The following FBXO22 variants were observed in gnomAD, a reference collection of about 807,000 sequenced individuals.
FBXO22 encodes the protein F-box only protein 22.
FBXO22 carries 13 observed loss-of-function variants against 37.2 expected under a neutral mutation model. That is an observed-to-expected ratio of 0.35 (90% CI 0.23 to 0.56). FBXO22 has a LOEUF of 0.56. FBXO22 is among the 20% of genes least tolerant of loss of function. The pLI is 0.87. For synonymous variants in FBXO22, 189 were observed against 189.1 expected, an observed-to-expected ratio of 1.00 and a Z score of 0.00; for missense variants, 446 against 509.9, an observed-to-expected ratio of 0.87 and a Z score of 1.21.
rs2030203503 is a variant in FBXO22, at chr15:75,934,732, C to T, written c.*1630C>T. ...CTATTTAGCTATTATCAAAATACCTCAAAATTTTAGTCCTTGAATGTGCTC... is the reference window on the plus strand; with the variant it reads ...CTATTTAGCTATTATCAAAATACCTTAAAATTTTAGTCCTTGAATGTGCTC... On this transcript the variant is annotated 3_prime_UTR_variant, in exon 7 of 7. Coordinates refer to ENST00000308275, the MANE Select transcript of FBXO22 (RefSeq NM_147188.3). The T allele has an allele frequency of 6.6e-6, 1 of 152,140 alleles. No homozygotes were observed. Among genetic ancestry groups the T allele is most frequent in the Non-Finnish European group, 1.5e-5 (1 of 68,036 alleles). The allele number at this position is 152,140 out of a possible 1,614,324, so 9.4% of individuals were successfully genotyped here. A position where few individuals can be genotyped will look rare whatever the true frequency, so the allele number is the denominator to read the frequency against.
In FBXO22 at chr15:75,933,186, CAA is replaced by C. The variant is rs781275509; in HGVS notation, c.*88_*89del. ...AAACTTGGGCCATGTGTATTTCAAACAAAAATAACTTTAGATATATCTTTTTT... is the reference window on the plus strand; with the variant it reads ...AAACTTGGGCCATGTGTATTTCAAACAAATAACTTTAGATATATCTTTTTT... On this transcript the variant is annotated 3_prime_UTR_variant, in exon 7 of 7. Coordinates refer to ENST00000308275, the MANE Select transcript of FBXO22 (RefSeq NM_147188.3). 163 of 1,161,060 alleles carry C rather than the reference CAA, an allele frequency of 1.4e-4. No individual in the cohort carries two copies. The highest frequency in any genetic ancestry group is 2.6e-4 in the Middle Eastern group (1 of 3,892). The allele number at this position is 1,161,060 out of a possible 1,614,324, so 71.9% of individuals were successfully genotyped here. A position where few individuals can be genotyped will look rare whatever the true frequency, so the allele number is the denominator to read the frequency against.
At position 75,934,351 on chromosome 15, in the gene FBXO22, A is replaced by ACTAT. The variant is rs1434297317; in HGVS notation, c.*1253_*1256dup. The ACTAT allele has an allele frequency of 2.0e-5, 3 of 152,218 alleles. No homozygotes were observed. The highest frequency in any genetic ancestry group is 4.4e-5 in the Non-Finnish European group (3 of 68,044). The allele number at this position is 152,218 out of a possible 1,614,324, so 9.4% of individuals were successfully genotyped here. A position where few individuals can be genotyped will look rare whatever the true frequency, so the allele number is the denominator to read the frequency against. ...TGAAGAAACACCATAAGTGGCGTGG[A>ACTAT]CTATCTACCTCCAGACTGTTTTACA... On this transcript the variant is annotated 3_prime_UTR_variant, in exon 7 of 7. Coordinates refer to ENST00000308275, the MANE Select transcript of FBXO22 (RefSeq NM_147188.3).
Position 75,904,473 on chromosome 15 carries a change from G to T in FBXO22, c.141-18G>T. 1 of 1,613,790 alleles carries T rather than the reference G, an allele frequency of 6.2e-7. No homozygotes were observed. The highest frequency in any genetic ancestry group is 8.5e-7 in the Non-Finnish European group (1 of 1,179,840). On this transcript the variant is annotated intron_variant, in intron 1 of 6. Coordinates refer to ENST00000308275, the MANE Select transcript of FBXO22 (RefSeq NM_147188.3). ...AATGAACGTCCGTTCGCAATCCTTT[G>T]TGCGTTTGCGTCCTCAGCGTGTGCC...
chr15:75,926,975 T>G (rs1052768032), intron 5 of FBXO22, among the ~76,000 whole-genome samples: 2 of 152,186 alleles, frequency 1.3e-5, no homozygotes, highest in Non-Finnish European at 2.9e-5. Context: ...AGACCTAGAG[T>G]TACAATTGAC....
chr15:75,907,289 G>A lies in FBXO22; in HGVS notation c.279+2660G>A, dbSNP rs542145728. On this transcript the variant is annotated intron_variant, in intron 2 of 6. Transcript: ENST00000308275. ...AAAAGAAAAATAATAATTTTCCTATGCCCTTATAGAGTTGTTGTGAGGATT... is the reference window on the plus strand; with the variant it reads ...AAAAGAAAAATAATAATTTTCCTATACCCTTATAGAGTTGTTGTGAGGATT... Among the ~76,000 whole-genome samples the A allele has an allele frequency of 5.3e-5, 8 of 152,280 alleles. No homozygotes were observed. The South Asian group carries it at 1.7e-3, about 32-fold the overall frequency.
At chr15:75,918,457 A>G (rs1404775423) in intron 5 of FBXO22, among the ~76,000 whole-genome samples, 2 of 152,202 alleles carry the variant, frequency 1.3e-5, no homozygotes, top group African/African-American at 4.8e-5. Context: ...GATGGTGGAA[A>G]GTCTCAACAG....
At chr15:75,914,611 T>C (rs1900142285) in intron 4 of FBXO22, among the ~76,000 whole-genome samples, 2 of 152,194 alleles carry the variant, frequency 1.3e-5, no homozygotes, top group Admixed American at 1.3e-4. Context: ...GGTACCACTC[T>C]TCAATGTTTA....
At position 75,908,439 on chromosome 15, in the gene FBXO22, CTT is replaced by C. The variant is rs150417055; in HGVS notation, c.279+3814_279+3815del. 7.4e-3 allele frequency among the ~76,000 whole-genome samples: 1,127 copies of C among 152,026 alleles called. 15 individuals are homozygous for C. Among genetic ancestry groups the C allele is most frequent in the African/African-American group, 0.026 (1,070 of 41,494 alleles). On this transcript the variant is annotated intron_variant, in intron 2 of 6. Transcript: ENST00000308275. ...AGGCGCATGCAGCCATACCCGGTTA[CTT>C]TTTGTATTTTTAGTAGAGATGGGGT...
chr15:75,930,349 G>C, intron 6 of FBXO22: 1 of 1,278,040 alleles, frequency 7.8e-7, no homozygotes, highest in Non-Finnish European at 9.9e-7. Flanking sequence ...TGACCTCAAT[G>C]TGTCACCTCC....
chr15:75,934,946 A>G lies in FBXO22; in HGVS notation c.*1844A>G, dbSNP rs1422028062. 2.0e-5 allele frequency: 3 copies of G among 152,256 alleles called. No individual in the cohort carries two copies. Among genetic ancestry groups the G allele is most frequent in the Non-Finnish European group, 4.4e-5 (3 of 68,044 alleles). 9.4% of individuals were successfully genotyped at this position (152,256 alleles called of 1,614,324 possible). On this transcript the variant is annotated 3_prime_UTR_variant, in exon 7 of 7. Coordinates refer to ENST00000308275, the MANE Select transcript of FBXO22 (RefSeq NM_147188.3). Reference sequence around the variant, plus strand: ...GTTTTGCTGCTTCTCAAAGAGTCTGATACAGGGTAATTTCATACAATATTT... The same window carrying G: ...GTTTTGCTGCTTCTCAAAGAGTCTGGTACAGGGTAATTTCATACAATATTT...
chr15:75,925,182 G>C (rs1017854811), intron 5 of FBXO22, among the ~76,000 whole-genome samples: 3 of 152,132 alleles, frequency 2.0e-5, no homozygotes, highest in Admixed American at 2.0e-4. Flanking sequence ...GTCTGATCTA[G>C]CTTCTGTAAT....
intron 6 of FBXO22, chr15:75,930,609 T>TAAAA: frequency 3.0e-6 from 3 of 985,658 alleles, no homozygotes; most frequent in Non-Finnish European, 3.6e-6. Flanking sequence ...GTGGATCTTT[T>TAAAA]TTGTTACTAA....
chr15:75,916,207 T>C (rs1433125276), intron 4 of FBXO22, among the ~76,000 whole-genome samples: 1 of 152,136 alleles, frequency 6.6e-6, no homozygotes, highest in Non-Finnish European at 1.5e-5. Flanking sequence ...TCTATTTATA[T>C]ATGTATGTAA....
chr15:75,904,761 C>T (rs1412821544), intron 2 of FBXO22, 132 bp downstream of exon 2: 1 of 891,794 alleles, frequency 1.1e-6, no homozygotes, highest in African/African-American at 1.7e-5. Flanking sequence ...TTGTAAACAT[C>T]AGTTTTAGTG....
At chr15:75,929,087 T>C (rs184511307) in intron 5 of FBXO22, among the ~76,000 whole-genome samples, 2 of 152,138 alleles carry the variant, frequency 1.3e-5, no homozygotes, top group South Asian at 2.1e-4. Flanking sequence ...GAGATGGCAG[T>C]AGGGGTAGTG....
chr15:75,919,727 G>T (rs1441245476), intron 5 of FBXO22, among the ~76,000 whole-genome samples: 2 of 152,220 alleles, frequency 1.3e-5, no homozygotes, highest in Admixed American at 1.3e-4. Context: ...CCCTTCATCT[G>T]CAGTGTGGCC....
chr15:75,922,544 G>A (rs879479862), intron 5 of FBXO22, among the ~76,000 whole-genome samples: 3 of 152,198 alleles, frequency 2.0e-5, no homozygotes, highest in Non-Finnish European at 4.4e-5. Flanking sequence ...AAATCCCAGA[G>A]CATGTTGGAG....
In FBXO22 at chr15:75,935,710, G is replaced by T. The variant is rs865856311; in HGVS notation, c.*2608G>T. On this transcript the variant is annotated 3_prime_UTR_variant, in exon 7 of 7. Coordinates refer to ENST00000308275, the MANE Select transcript of FBXO22 (RefSeq NM_147188.3). ...CCTACGAGGCCAGATAGCAAAAGACGTGCAACTGGTTTATATTGCAAATTT... is the reference window on the plus strand; with the variant it reads ...CCTACGAGGCCAGATAGCAAAAGACTTGCAACTGGTTTATATTGCAAATTT... 1.3e-5 allele frequency: 2 copies of T among 151,592 alleles called. No individual in the cohort carries two copies. Among genetic ancestry groups the T allele is most frequent in the Non-Finnish European group, 1.5e-5 (1 of 67,954 alleles). 9.4% of individuals were successfully genotyped at this position (151,592 alleles called of 1,614,324 possible). A position where few individuals can be genotyped will look rare whatever the true frequency, so the allele number is the denominator to read the frequency against.
At chr15:75,930,570 T>C (rs2029977773) in intron 6 of FBXO22, 3 of 985,774 alleles carry the variant, frequency 3.0e-6, no homozygotes, top group Non-Finnish European at 3.6e-6. Context: ...TATTAGATCT[T>C]TTGAAAGGCT....
Sources: allele counts gnomAD v4.1 joint callset (sites outside exome capture counted in the v4.1 genomes callset), GRCh38; gene constraint gnomAD v4.1.1; transcripts MANE v1.5; gene names NCBI Gene and HGNC (gene_info 2026-07-23, HGNC 2026-07-21).